The following CNTNAP3B variants were observed in gnomAD, a reference collection of about 807,000 sequenced individuals.
CNTNAP3B encodes contactin associated protein family member 3B.
CNTNAP3B carries 25 observed loss-of-function variants against 108.9 expected under a neutral mutation model. That is an observed-to-expected ratio of 0.23 (90% CI 0.17 to 0.32). The LOEUF is 0.32. CNTNAP3B is among the 10% of genes least tolerant of loss of function. CNTNAP3B has a pLI of 1.00. For synonymous variants in CNTNAP3B, 103 were observed against 473.4 expected (o/e 0.22, Z 10.16); for missense variants, 252 against 1,210.4 (o/e 0.21, Z 11.75).
At chr9:41,945,709 C>T (rs540220469) in intron 13 of CNTNAP3B, among the ~76,000 whole-genome samples, 50 of 152,374 alleles carry the variant, frequency 3.3e-4, no homozygotes, top group African/African-American at 1.1e-3. Context: ...CATATGGATA[C>T]ATATGTAACA....
chr9:41,967,872 A>C (rs1214652303), intron 10 of CNTNAP3B, among the ~76,000 whole-genome samples: 7 of 152,272 alleles, frequency 4.6e-5, no homozygotes. Context: ...CCTTATCTGC[A>C]ATGATTATTG....
At chr9:42,072,916 T>C (rs537072241) in intron 3 of CNTNAP3B, among the ~76,000 whole-genome samples, 1 of 135,606 alleles carries the variant, frequency 7.4e-6, no homozygotes, top group East Asian at 2.2e-4. Flanking sequence ...TAGGTGGTAA[T>C]CACATATGTT....
At chr9:42,078,182 CAA>C (rs1827530319) in intron 2 of CNTNAP3B, among the ~76,000 whole-genome samples, 1 of 96,114 alleles carries the variant, frequency 1.0e-5, no homozygotes, top group African/African-American at 4.1e-5. Context: ...ACTACATGTC[CAA>C]AAAAGTTTGA....
intron 3 of CNTNAP3B, among the ~76,000 whole-genome samples, chr9:42,047,454 A>G (rs1826894489): frequency 8.2e-6 from 1 of 122,304 alleles, no homozygotes; most frequent in Non-Finnish European, 1.7e-5. Flanking sequence ...GGGAAGATAA[A>G]TTAAAAATTA....
Position 42,112,273 on chromosome 9 carries a change from T to G in CNTNAP3B, c.86-7534A>C. 1.4e-5 allele frequency among the ~76,000 whole-genome samples: 2 copies of G among 139,668 alleles called. 1 individual carries two copies. The allele number at this position is 139,668 out of a possible 152,430, so 91.6% of individuals were successfully genotyped here. A position where few individuals can be genotyped will look rare whatever the true frequency, so the allele number is the denominator to read the frequency against. ...CTCTGCTCTGAAGTCTTCTCACATG[T>G]GTGAAGGCCCCAGTAAGGCTTACTC... On this transcript the variant is annotated intron_variant, in intron 1 of 23. Transcript: ENST00000377561.
intron 3 of CNTNAP3B, among the ~76,000 whole-genome samples, chr9:42,033,147 A>T: frequency 7.3e-6 from 1 of 137,672 alleles, no homozygotes; most frequent in Non-Finnish European, 1.6e-5. Flanking sequence ...TCTGTTTCTC[A>T]GTGCAAACTT....
At chr9:41,938,977 G>A (rs1446708534) in intron 13 of CNTNAP3B, among the ~76,000 whole-genome samples, 2 of 152,128 alleles carry the variant, frequency 1.3e-5, no homozygotes, top group Non-Finnish European at 1.5e-5. Flanking sequence ...CATCTCTGAG[G>A]TTAGAAATTT....
chr9:41,977,323 T>C (rs1825538723), intron 9 of CNTNAP3B, among the ~76,000 whole-genome samples: 1 of 150,824 alleles, frequency 6.6e-6, no homozygotes, highest in Non-Finnish European at 1.5e-5. Flanking sequence ...GTACTTTCAT[T>C]CTTATCCCTT....
chr9:41,944,275 T>A (rs1414419288), intron 13 of CNTNAP3B, among the ~76,000 whole-genome samples: 5 of 147,984 alleles, frequency 3.4e-5, no homozygotes, highest in African/African-American at 1.0e-4. Context: ...AAGAAAAAAA[T>A]TAAAATAAAA....
At chr9:41,972,902 C>A (rs1221482836) in intron 9 of CNTNAP3B, among the ~76,000 whole-genome samples, 1 of 129,116 alleles carries the variant, frequency 7.7e-6, no homozygotes, top group Admixed American at 8.0e-5. Context: ...TTTCTTTCAC[C>A]ATGTGGTGTT....
chr9:41,919,133 T>C (rs1399703497), intron 18 of CNTNAP3B, among the ~76,000 whole-genome samples: 9 of 152,004 alleles, frequency 5.9e-5, no homozygotes, highest in Non-Finnish European at 1.0e-4. Context: ...CCCTTTTTCC[T>C]TTTCTTTTTT....
intron 3 of CNTNAP3B, among the ~76,000 whole-genome samples, chr9:42,018,758 C>T (rs1172052478): frequency 6.6e-6 from 1 of 151,746 alleles, no homozygotes; most frequent in African/African-American, 2.4e-5. Context: ...CTGGAGAGAC[C>T]TGGGTCTGAG....
chr9:41,955,883 T>C (rs2645510), intron 12 of CNTNAP3B, among the ~76,000 whole-genome samples: 816 of 150,582 alleles, frequency 5.4e-3, no homozygotes, highest in African/African-American at 0.019. Flanking sequence ...AAGTTGCATC[T>C]GGATGAACTT....
chr9:41,935,327 C>A (rs1299537899), intron 14 of CNTNAP3B, among the ~76,000 whole-genome samples: 2 of 152,312 alleles, frequency 1.3e-5, no homozygotes, highest in East Asian at 1.9e-4. Context: ...ATACTGCCTG[C>A]CCCATTAACG....
rs548175166 is a variant in CNTNAP3B at position 42,041,306 on chromosome 9, C to T, written c.391-27781G>A. Among the ~76,000 whole-genome samples, 5 of 146,896 alleles carry T rather than the reference C, an allele frequency of 3.4e-5. No individual in the cohort carries two copies. In the East Asian group the frequency reaches 6.1e-4, roughly 18 times the overall value. On this transcript the variant is annotated intron_variant, in intron 3 of 23. Coordinates refer to ENST00000377561, the MANE Select transcript of CNTNAP3B (RefSeq NM_001201380.3). ...ACCATCAGAGTGAACAGGCAACCTA[C>T]AACATGGGAGAAAATTTTTGCAATC...
chr9:41,921,342 C>T (rs983737854), intron 17 of CNTNAP3B, among the ~76,000 whole-genome samples: 5 of 152,216 alleles, frequency 3.3e-5, no homozygotes, highest in Admixed American at 2.0e-4. Context: ...GAAAAAGCCT[C>T]ACTGCACCTT....
chr9:41,932,014 T>G (rs1823992566), intron 14 of CNTNAP3B, among the ~76,000 whole-genome samples: 2 of 152,170 alleles, frequency 1.3e-5, no homozygotes, highest in Non-Finnish European at 2.9e-5. Context: ...TTTTGGAAAG[T>G]CTGGTGTTTT....
At chr9:41,921,010 G>T (rs1230806221) in intron 17 of CNTNAP3B, among the ~76,000 whole-genome samples, 788 of 151,806 alleles carry the variant, frequency 5.2e-3, no homozygotes, top group Non-Finnish European at 9.1e-3. Flanking sequence ...CATTATGAAG[G>T]CGACAATTCT....
At chr9:41,923,528 G>A (rs1189855738) in intron 16 of CNTNAP3B, among the ~76,000 whole-genome samples, 7 of 152,382 alleles carry the variant, frequency 4.6e-5, no homozygotes, top group African/African-American at 9.6e-5. Context: ...TTGGGAACCC[G>A]AGGCAGGCGG....
Sources: allele counts gnomAD v4.1 joint callset (sites outside exome capture counted in the v4.1 genomes callset), GRCh38; gene constraint gnomAD v4.1.1; transcripts MANE v1.5; gene names NCBI Gene and HGNC (gene_info 2026-07-23, HGNC 2026-07-21).